The following NME7 variants were observed in gnomAD, a reference collection of about 807,000 sequenced individuals.
NME7 encodes nucleoside diphosphate kinase 7.
A neutral mutation model predicts 49.1 loss-of-function variants in NME7; 41 were observed. That is an observed-to-expected ratio of 0.83 (90% CI 0.65 to 1.08). The LOEUF (loss-of-function observed/expected upper bound fraction) is 1.08. Ranked by LOEUF, NME7 falls within the 50% of genes least tolerant of loss-of-function variation. The probability of loss-of-function intolerance (pLI) is 0.00; values close to 1 mark genes in which losing one functional copy is unlikely to be tolerated. For missense variants in NME7, 423 were observed against 463.4 expected (o/e 0.91, Z 0.80); for synonymous variants, 139 against 150.6 (o/e 0.92, Z 0.56).
chr1:169,164,490 C>A (rs1019291179), intron 11 of NME7, among the ~76,000 whole-genome samples: 1 of 152,158 alleles, frequency 6.6e-6, no homozygotes, highest in Non-Finnish European at 1.5e-5. Flanking sequence ...AGGGCAGGTA[C>A]TGTTATCTTC....
chr1:169,341,007 C>T (rs907602661), intron 1 of NME7, among the ~76,000 whole-genome samples: 1 of 152,166 alleles, frequency 6.6e-6, no homozygotes, highest in Non-Finnish European at 1.5e-5. Context: ...GGGAGGAATT[C>T]AAGCTGGCTG....
At chr1:169,168,052 A>T (rs556891491) in intron 11 of NME7, among the ~76,000 whole-genome samples, 1 of 152,266 alleles carries the variant, frequency 6.6e-6, no homozygotes, top group African/African-American at 2.4e-5. Flanking sequence ...CTCCTAGTAG[A>T]TAGAAAACAC....
intron 9 of NME7, among the ~76,000 whole-genome samples, chr1:169,232,149 G>A (rs963631571): frequency 3.3e-5 from 5 of 152,024 alleles, no homozygotes; most frequent in African/African-American, 7.2e-5. Context: ...CAAATACAAC[G>A]TCTAGAGATA....
chr1:169,157,430 A>G (rs1381444985), intron 11 of NME7, among the ~76,000 whole-genome samples: 1 of 152,196 alleles, frequency 6.6e-6, no homozygotes, highest in African/African-American at 2.4e-5. Context: ...ATGAACCTGC[A>G]GATAACTATT....
rs1250729543 is a variant in NME7, at chr1:169,257,955, C to T, written c.755-20268G>A. Among the ~76,000 whole-genome samples, 3 of 133,794 alleles carry T rather than the reference C, an allele frequency of 2.2e-5. 1 individual carries two copies. Among genetic ancestry groups the T allele is most frequent in the African/African-American group, 5.1e-5 (2 of 39,534 alleles). 87.8% of individuals were successfully genotyped at this position (133,794 alleles called of 152,430 possible). A position where few individuals can be genotyped will look rare whatever the true frequency, so the allele number is the denominator to read the frequency against. On this transcript the variant is annotated intron_variant, in intron 7 of 11. Transcript: ENST00000367811. ...AGAAGACTGAAATGATAATTCAAGA[C>T]CATGGATCCATTAACTTTAACATGA... is the stretch of plus-strand genomic sequence containing the variant.
At chr1:169,353,329 T>C (rs1653249503) in intron 1 of NME7, among the ~76,000 whole-genome samples, 1 of 152,136 alleles carries the variant, frequency 6.6e-6, no homozygotes. Flanking sequence ...CTGGAAAAAC[T>C]GGGTATTTAT....
At chr1:169,295,104 G>A (rs902855418) in intron 6 of NME7, among the ~76,000 whole-genome samples, 1 of 152,130 alleles carries the variant, frequency 6.6e-6, no homozygotes, top group Non-Finnish European at 1.5e-5. Flanking sequence ...ACCTCAGGCA[G>A]TGGAAGCTGC....
chr1:169,153,989 G>A (rs533717850), intron 11 of NME7, among the ~76,000 whole-genome samples: 2 of 151,958 alleles, frequency 1.3e-5, no homozygotes, highest in African/African-American at 4.8e-5. Context: ...ACAGGTGTGA[G>A]CTATTGTGCC....
chr1:169,149,913 G>A (rs1052572822), intron 11 of NME7, among the ~76,000 whole-genome samples: 2 of 152,134 alleles, frequency 1.3e-5, no homozygotes, highest in Admixed American at 6.5e-5. Flanking sequence ...TATTGAATTC[G>A]GATTATACAG....
intron 1 of NME7, among the ~76,000 whole-genome samples, chr1:169,329,803 A>G (rs1014294553): frequency 6.6e-6 from 1 of 152,150 alleles, no homozygotes; most frequent in African/African-American, 2.4e-5. Context: ...ACCTTCCCAA[A>G]CCTAGAGAAA....
chr1:169,335,683 TATATA>T (rs1187083050), intron 1 of NME7, among the ~76,000 whole-genome samples: 2 of 147,654 alleles, frequency 1.4e-5, no homozygotes, highest in Non-Finnish European at 3.0e-5. Flanking sequence ...AGAAGAAATA[TATATA>T]ATATATATGT....
chr1:169,225,132 A>G (rs1647275514), intron 10 of NME7, among the ~76,000 whole-genome samples: 1 of 152,156 alleles, frequency 6.6e-6, no homozygotes, highest in African/African-American at 2.4e-5. Flanking sequence ...TTAGACAGAG[A>G]GAGTATCACT....
intron 7 of NME7, among the ~76,000 whole-genome samples, chr1:169,250,755 G>A (rs1243236462): frequency 6.6e-6 from 1 of 151,894 alleles, no homozygotes; most frequent in Non-Finnish European, 1.5e-5. Flanking sequence ...GGAGCAGATT[G>A]TTTAATTTCT....
At chr1:169,265,604 TA>T (rs1649294091) in intron 7 of NME7, among the ~76,000 whole-genome samples, 2 of 130,136 alleles carry the variant, frequency 1.5e-5, no homozygotes, top group African/African-American at 2.6e-5. Flanking sequence ...ACCCCAAAGC[TA>T]GCAGAAGACA....
chr1:169,321,790 A>T lies in NME7; in HGVS notation c.278+1327T>A, dbSNP rs565847517. 2.0e-3 allele frequency among the ~76,000 whole-genome samples: 310 copies of T among 152,352 alleles called. 1 individual carries two copies. The highest frequency in any genetic ancestry group is 3.3e-3 in the Non-Finnish European group (227 of 68,034). ...AGAGTGACTCAGACGTTAGGCAATC[A>T]GCTAGTCATTTGAGTAGTAGATCTC... On this transcript the variant is annotated intron_variant, in intron 3 of 11. Coordinates refer to ENST00000367811, the MANE Select transcript of NME7 (RefSeq NM_013330.5).
In NME7 at chr1:169,333,669, C is replaced by T. The variant is rs1384859595; in HGVS notation, c.4-9169G>A. Among the ~76,000 whole-genome samples, 3 of 151,832 alleles carry T rather than the reference C, an allele frequency of 2.0e-5. No individual in the cohort carries two copies. In the East Asian group the frequency reaches 5.8e-4, roughly 29 times the overall value. On this transcript the variant is annotated intron_variant, in intron 1 of 11. Transcript: ENST00000367811. ...ATATTTTAAAAAAAAAGAAATTTGCCAAGATCACACAGCTTATAAACAGAG... is the reference window on the plus strand; with the variant it reads ...ATATTTTAAAAAAAAAGAAATTTGCTAAGATCACACAGCTTATAAACAGAG...
chr1:169,220,663 T>A (rs1661115926), intron 10 of NME7, among the ~76,000 whole-genome samples: 1 of 152,178 alleles, frequency 6.6e-6, no homozygotes, highest in Non-Finnish European at 1.5e-5. Flanking sequence ...TACTAACACA[T>A]AACTTTTTTT....
intron 7 of NME7, among the ~76,000 whole-genome samples, chr1:169,238,477 G>GCGCACACA (rs1553249015): frequency 8.1e-6 from 1 of 124,066 alleles, no homozygotes; most frequent in African/African-American, 2.9e-5. Flanking sequence ...ATGCACAAAG[G>GCGCACACA]CACACACACA....
At position 169,133,719 on chromosome 1, in the gene NME7, TCAAA is replaced by T. The variant is rs1658332561; in HGVS notation, c.1099-906_1099-903del. 3.3e-5 allele frequency among the ~76,000 whole-genome samples: 5 copies of T among 152,294 alleles called. 1 individual carries two copies. Among genetic ancestry groups the T allele is most frequent in the African/African-American group, 1.2e-4 (5 of 41,570 alleles). ...TAGTTGAAATGACACAGAAAAATCC[TCAAA>T]CTAACATACCTACATGAAACTGAGT... On this transcript the variant is annotated intron_variant, in intron 11 of 11. Coordinates refer to ENST00000367811, the MANE Select transcript of NME7 (RefSeq NM_013330.5).
Sources: allele counts gnomAD v4.1 joint callset (sites outside exome capture counted in the v4.1 genomes callset), GRCh38; gene constraint gnomAD v4.1.1; transcripts MANE v1.5; gene names NCBI Gene and HGNC (gene_info 2026-07-23, HGNC 2026-07-21).